Variants in KPNA2 observed in about 807,000 individuals in gnomAD.
KPNA2 encodes the protein karyopherin subunit alpha 2.
KPNA2 carries 20 observed loss-of-function variants against 53.7 expected under a neutral mutation model. The observed-to-expected ratio is 0.37, with a 90% CI of 0.26 to 0.54. The LOEUF is 0.54. Among genes scored for constraint, KPNA2 ranks in the 20% least tolerant of loss-of-function variants. The pLI is 0.83. For missense variants in KPNA2, 515 were observed against 640.3 expected (o/e 0.80, Z 2.11); for synonymous variants, 238 against 227.5 (o/e 1.05, Z -0.42).
intron 3 of KPNA2, among the ~76,000 whole-genome samples, chr17:68,039,846 G>T (rs1340127610): frequency 6.6e-6 from 1 of 151,422 alleles, no homozygotes; most frequent in African/African-American, 2.4e-5. Flanking sequence ...GCTGAGGCAG[G>T]TGGATCACCT....
In KPNA2 at chr17:68,037,309, C is replaced by T. The variant is rs1555703913; in HGVS notation, c.76-49C>T. The T allele has an allele frequency of 3.1e-6, 5 of 1,591,210 alleles. No homozygotes were observed. The Admixed American group carries it at 7.4e-5, about 23-fold the overall frequency. On this transcript the variant is annotated intron_variant, in intron 2 of 10. Transcript: ENST00000330459. ...TTAAAAAAAAAATGCCCTCACTTAG[C>T]AACAAAAACTGGTGTGATAGGTGAA... is the stretch of plus-strand genomic sequence containing the variant.
intron 2 of KPNA2, 64 bp from the exon 3 acceptor site, chr17:68,037,294 A>G (rs2071201527): frequency 1.3e-6 from 2 of 1,584,286 alleles, no homozygotes; most frequent in Admixed American, 3.8e-5. Context: ...TTAAAAAAAA[A>G]ATGCCCTCAC....
At chr17:68,043,078 T>C in intron 6 of KPNA2, 22 bp from the exon 7 acceptor site, 2 of 1,613,718 alleles carry the variant, frequency 1.2e-6, no homozygotes, top group South Asian at 1.1e-5. Flanking sequence ...GAACCTCTCA[T>C]TGCCTATTTT....
rs185010118 is a variant in KPNA2 at position 68,046,441 on chromosome 17, C to T, written c.1498-63C>T. 2.7e-5 allele frequency: 26 copies of T among 975,968 alleles called. No homozygotes were observed. The Admixed American group carries it at 2.9e-4, about 11-fold the overall frequency. The allele number at this position is 975,968 out of a possible 1,614,324, so 60.5% of individuals were successfully genotyped here. On this transcript the variant is annotated intron_variant, in intron 10 of 10. Coordinates refer to ENST00000330459, the MANE Select transcript of KPNA2 (RefSeq NM_002266.4). Reference sequence around the variant, plus strand: ...AGACCTAGAGATTAAATACAGACTTCAGGTAGGCTGCTGCTTGGAATACTT... The same window carrying T: ...AGACCTAGAGATTAAATACAGACTTTAGGTAGGCTGCTGCTTGGAATACTT...
Position 68,043,093 on chromosome 17 carries a change from C to T in KPNA2, c.667-7C>T. The stretch of plus-strand genomic sequence containing the variant: ...GAACCTCTCATTGCCTATTTTTTTT[C>T]CCCCAGTGTGGCTACTTACGTAATC... On this transcript the variant is annotated splice_region_variant and splice_polypyrimidine_tract_variant and intron_variant, in intron 6 of 10. Transcript: ENST00000330459. 6.2e-7 allele frequency: 1 copy of T among 1,611,472 alleles called. No individual in the cohort carries two copies. Among genetic ancestry groups the T allele is most frequent in the Non-Finnish European group, 8.5e-7 (1 of 1,179,094 alleles).
chr17:68,045,081 A>C (rs1344640385), intron 9 of KPNA2, among the ~76,000 whole-genome samples: 1 of 143,956 alleles, frequency 6.9e-6, no homozygotes, highest in Non-Finnish European at 1.5e-5. Context: ...GGCAAGAGTG[A>C]AACTGTCTTA....
At chr17:68,045,690 C>A in intron 9 of KPNA2, 82 bp from the exon 10 acceptor site, 2 of 1,022,094 alleles carry the variant, frequency 2.0e-6, no homozygotes, top group Non-Finnish European at 2.8e-6. Flanking sequence ...CCTGACGTAT[C>A]AATATTCAAA....
intron 3 of KPNA2, 142 bp from the exon 4 acceptor site, chr17:68,040,535 AG>A: frequency 1.7e-6 from 1 of 575,502 alleles, no homozygotes; most frequent in Non-Finnish European, 3.1e-6. Context: ...AATATTTAAC[AG>A]GCAAAATTAA....
At chr17:68,040,825 T>TG (rs2071251468) in intron 4 of KPNA2, 59 bp downstream of exon 4, 3 of 997,288 alleles carry the variant, frequency 3.0e-6, no homozygotes, top group Non-Finnish European at 3.1e-6. Context: ...TAGATTTTTT[T>TG]TTGGGGGGTG....
chr17:68,045,084 C>T (rs2071312440), intron 9 of KPNA2, among the ~76,000 whole-genome samples: 2 of 132,206 alleles, frequency 1.5e-5, no homozygotes, highest in Non-Finnish European at 3.2e-5. Context: ...AAGAGTGAAA[C>T]TGTCTTAAAA....
intron 3 of KPNA2, among the ~76,000 whole-genome samples, chr17:68,037,995 G>T (rs1555704012): frequency 6.6e-6 from 1 of 151,736 alleles, no homozygotes; most frequent in African/African-American, 2.4e-5. Context: ...TTGTTTCTTT[G>T]AGACAGAGTT....
intron 9 of KPNA2, 161 bp from the exon 10 acceptor site, chr17:68,045,611 C>G: frequency 1.8e-6 from 1 of 562,544 alleles, no homozygotes; most frequent in Middle Eastern, 4.9e-4. Context: ...CATTGAGTGT[C>G]AACAAAATAT....
At chr17:68,037,986 T>G (rs990231862) in intron 3 of KPNA2, among the ~76,000 whole-genome samples, 2 of 151,966 alleles carry the variant, frequency 1.3e-5, no homozygotes, top group Non-Finnish European at 1.5e-5. Context: ...TTTTTGTTTT[T>G]GTTTCTTTGA....
intron 9 of KPNA2, among the ~76,000 whole-genome samples, chr17:68,045,049 T>C: frequency 6.6e-6 from 1 of 151,026 alleles, no homozygotes; most frequent in Non-Finnish European, 1.5e-5. Context: ...GAGCCAAGTT[T>C]GTGTTATTGC....
chr17:68,044,205 T>C, intron 8 of KPNA2, 116 bp from the exon 9 acceptor site: 1 of 1,281,430 alleles, frequency 7.8e-7, no homozygotes. Context: ...TAACCCCTTT[T>C]ACTTAAGGTT....
At chr17:68,037,945 C>T (rs994848879) in intron 3 of KPNA2, among the ~76,000 whole-genome samples, 4 of 151,930 alleles carry the variant, frequency 2.6e-5, no homozygotes, top group African/African-American at 2.4e-5. Context: ...ATTATGGGTG[C>T]GCATCACCAC....
At chr17:68,043,059 C>G (rs201369101) in intron 6 of KPNA2, 41 bp from the exon 7 acceptor site, 12 of 1,613,476 alleles carry the variant, frequency 7.4e-6, no homozygotes, top group Middle Eastern at 3.3e-4. Context: ...CCCATCTTCT[C>G]AAAAGACAGA....
At chr17:68,044,578 G>A in intron 9 of KPNA2, 75 bp downstream of exon 9, 1 of 1,240,188 alleles carries the variant, frequency 8.1e-7, no homozygotes, top group African/African-American at 1.5e-5. Context: ...CTTGGGGGAG[G>A]GCAGCTGTAA....
In KPNA2 at chr17:68,046,566, G is replaced by C. The variant is rs782101390; in HGVS notation, c.1560G>C (p.Gln520His). The C allele has an allele frequency of 2.5e-6, 4 of 1,611,334 alleles. No homozygotes were observed. In the Admixed American group the frequency reaches 6.7e-5, roughly 27 times the overall value. Residue 520 changes from glutamine (Q) to histidine (H), a missense_variant, in exon 11 of 11, where the codon CAG becomes CAC. By Grantham distance (24) the Gln-to-His change is conservative. Transcript: ENST00000330459. ...TTSEGYTFQV[Q>H]DGAPGTFNF ...CTGAAGGCTACACTTTCCAAGTTCA[G>C]GATGGGGCTCCTGGGACCTTTAACT...
Sources: gnomAD v4.1 joint callset for allele counts (sites outside exome capture counted in the v4.1 genomes callset) on GRCh38, gnomAD v4.1.1 for gene constraint, MANE v1.5 for transcripts, NCBI Gene and HGNC (gene_info 2026-07-23, HGNC 2026-07-21) for gene names.